TMCO6: variants seen among roughly 807,000 people sequenced by gnomAD.
TMCO6 encodes transmembrane and coiled-coil domain-containing protein 6.
A neutral mutation model predicts 61.8 loss-of-function variants in TMCO6; 47 were observed. The ratio of observed to expected loss-of-function variants is 0.76; its 90% CI spans 0.60 to 0.97. The LOEUF is 0.97. TMCO6 is among the 50% of genes least tolerant of loss of function. The pLI is 0.00. For synonymous variants in TMCO6, 261 were observed against 254.2 expected, an observed-to-expected ratio of 1.03 and a Z score of -0.25; for missense variants, 557 against 601.6, an observed-to-expected ratio of 0.93 and a Z score of 0.78.
the TMCO6 span, among the ~76,000 whole-genome samples, chr5:140,604,083 C>T: frequency 6.6e-6 from 1 of 152,072 alleles, no homozygotes; most frequent in Non-Finnish European, 1.5e-5. Flanking sequence ...ATTTGCGTTC[C>T]CTTTATGATC....
At chr5:140,647,353 A>G, downstream of TMCO6, 1 of 1,609,716 alleles carries the variant, frequency 6.2e-7, no homozygotes, top group Non-Finnish European at 8.5e-7. Context: ...AGCGTTTCTC[A>G]ATGAAGTCCC....
chr5:140,599,031 A>G, the TMCO6 span, among the ~76,000 whole-genome samples: 2 of 152,200 alleles, frequency 1.3e-5, no homozygotes. Context: ...AATGTAATCT[A>G]TCTACCAGCT....
chr5:140,601,822 T>G, the TMCO6 span, among the ~76,000 whole-genome samples: 1 of 152,226 alleles, frequency 6.6e-6, no homozygotes, highest in Admixed American at 6.5e-5. Context: ...CAGTGGAGTC[T>G]AGACTTTGAG....
chr5:140,642,889 C>T (rs1757130511), intron 6 of TMCO6, 36 bp from the exon 7 acceptor site: 4 of 1,614,062 alleles, frequency 2.5e-6, no homozygotes, highest in East Asian at 2.2e-5. Flanking sequence ...CTGGCATCTT[C>T]GTGGTTCCTA....
Position 140,645,243 on chromosome 5 carries a change from C to A in TMCO6, c.*145C>A. 1.2e-6 allele frequency: 1 copy of A among 809,776 alleles called. No individual in the cohort carries two copies. Among genetic ancestry groups the A allele is most frequent in the Non-Finnish European group, 2.0e-6 (1 of 501,326 alleles). The allele number at this position is 809,776 out of a possible 1,614,324, so 50.2% of individuals were successfully genotyped here. A position where few individuals can be genotyped will look rare whatever the true frequency, so the allele number is the denominator to read the frequency against. On this transcript the variant is annotated 3_prime_UTR_variant, in exon 12 of 12. Transcript: ENST00000394671. ...CCAAGACCTTTGGGTCCCAGCTCCT[C>A]CCCTTCCACTCAGCACTATCCAGGC...
chr5:140,645,507 G>A, downstream of TMCO6: 4 of 1,551,078 alleles, frequency 2.6e-6, no homozygotes, highest in Non-Finnish European at 3.5e-6. Flanking sequence ...AGGAATAGGA[G>A]AACACATTTT....
At chr5:140,646,906 A>G (rs1337491576), downstream of TMCO6, among the ~76,000 whole-genome samples, 4 of 152,190 alleles carry the variant, frequency 2.6e-5, no homozygotes, top group Admixed American at 6.5e-5. Flanking sequence ...TCTATGTGCA[A>G]AATTACTGAG....
At chr5:140,620,157 CTG>C in the TMCO6 span, among the ~76,000 whole-genome samples, 1 of 152,164 alleles carries the variant, frequency 6.6e-6, no homozygotes, top group Non-Finnish European at 1.5e-5. Flanking sequence ...AATGTATAAA[CTG>C]TGGTATATCC....
chr5:140,604,139 G>A, the TMCO6 span, among the ~76,000 whole-genome samples: 1 of 152,082 alleles, frequency 6.6e-6, no homozygotes, highest in Non-Finnish European at 1.5e-5. Context: ...CATTTGTATA[G>A]CCTATGTGGA....
chr5:140,629,582 A>T, the TMCO6 span, among the ~76,000 whole-genome samples: 2 of 152,182 alleles, frequency 1.3e-5, no homozygotes, highest in Non-Finnish European at 2.9e-5. Context: ...ATATATACGC[A>T]AATATTCCAA....
the TMCO6 span, among the ~76,000 whole-genome samples, chr5:140,614,890 C>T: frequency 6.6e-6 from 1 of 152,156 alleles, no homozygotes; most frequent in Non-Finnish European, 1.5e-5. Flanking sequence ...CATGAGCCAC[C>T]TCGCCCAGCG....
chr5:140,607,018 G>A, the TMCO6 span, among the ~76,000 whole-genome samples: 78,147 of 147,174 alleles, frequency 0.53, 20,972 homozygotes, highest in African/African-American at 0.58. Flanking sequence ...TAATAATAAT[G>A]GAAAAAACCT....
At chr5:140,620,809 G>C in the TMCO6 span, among the ~76,000 whole-genome samples, 1 of 152,122 alleles carries the variant, frequency 6.6e-6, no homozygotes, top group Non-Finnish European at 1.5e-5. Flanking sequence ...CCAGGAGTTC[G>C]AGCCCAGCCT....
At chr5:140,639,671 A>T in intron 1 of TMCO6, 59 bp downstream of exon 1, 3 of 1,543,826 alleles carry the variant, frequency 1.9e-6, no homozygotes, top group Non-Finnish European at 2.6e-6. Context: ...TTGAGACCCC[A>T]GGCTCGGAGC....
the TMCO6 span, among the ~76,000 whole-genome samples, chr5:140,617,521 G>A: frequency 1.3e-5 from 2 of 152,186 alleles, no homozygotes; most frequent in South Asian, 2.1e-4. Context: ...CTGTACTCCA[G>A]CCTGGGCAAC....
the TMCO6 span, among the ~76,000 whole-genome samples, chr5:140,630,965 T>C: frequency 6.6e-6 from 1 of 152,242 alleles, no homozygotes; most frequent in Non-Finnish European, 1.5e-5. Flanking sequence ...ACAGCACCTC[T>C]TGATGGCTGA....
chr5:140,625,812 A>G, the TMCO6 span, among the ~76,000 whole-genome samples: 1 of 152,188 alleles, frequency 6.6e-6, no homozygotes, highest in East Asian at 1.9e-4. Flanking sequence ...AGGGAAGAAC[A>G]AGAGGCAAAG....
At chr5:140,632,483 C>A in the TMCO6 span, 3 of 1,614,084 alleles carry the variant, frequency 1.9e-6, no homozygotes, top group South Asian at 1.1e-5. The surrounding 1 kb of genome is among the most constrained non-coding windows in gnomAD (Gnocchi z 6.2). Context: ...CTGGCTTGAG[C>A]CACTGCTGCA....
At chr5:140,634,209 C>T in the TMCO6 span, among the ~76,000 whole-genome samples, 25 of 152,218 alleles carry the variant, frequency 1.6e-4, no homozygotes, top group South Asian at 5.2e-3. Context: ...ATCAGTTTTC[C>T]CACTTGCACG....
Sources: allele counts gnomAD v4.1 joint callset (sites outside exome capture counted in the v4.1 genomes callset), GRCh38; gene constraint gnomAD v4.1.1; non-coding constraint Gnocchi (gnomAD v3.1); transcripts MANE v1.5; gene names NCBI Gene and HGNC (gene_info 2026-07-23, HGNC 2026-07-21).